ATP6V1C2: variants seen among roughly 807,000 people sequenced by gnomAD.
ATP6V1C2 encodes the protein V-type proton ATPase subunit C 2.
ATP6V1C2 carries 45 observed loss-of-function variants against 56.8 expected under a neutral mutation model. The observed-to-expected ratio is 0.79, with a 90% CI of 0.62 to 1.02. ATP6V1C2 has a LOEUF of 1.02. Among genes scored for constraint, ATP6V1C2 ranks in the 50% least tolerant of loss-of-function variants. The probability of loss-of-function intolerance (pLI) is 0.00; values close to 1 mark genes in which losing one functional copy is unlikely to be tolerated. For missense variants in ATP6V1C2, 463 were observed against 519.7 expected, an observed-to-expected ratio of 0.89 and a Z score of 1.06; for synonymous variants, 220 against 201.3, an observed-to-expected ratio of 1.09 and a Z score of -0.79.
At chr2:10,782,538 A>G (rs1183899664) in intron 13 of ATP6V1C2, among the ~76,000 whole-genome samples, 163 bp downstream of exon 13, 1 of 147,186 alleles carries the variant, frequency 6.8e-6, no homozygotes, top group Admixed American at 6.8e-5. Flanking sequence ...TGTCTCTACT[A>G]AAAAAAAAAT....
chr2:10,766,790 G>A (rs866503828), intron 5 of ATP6V1C2, among the ~76,000 whole-genome samples: 14 of 151,884 alleles, frequency 9.2e-5, no homozygotes, highest in East Asian at 3.9e-4. Context: ...GCATAATGCC[G>A]TATACTATAC....
intron 3 of ATP6V1C2, among the ~76,000 whole-genome samples, chr2:10,745,210 G>A (rs1053093326): frequency 6.7e-6 from 1 of 148,572 alleles, no homozygotes; most frequent in African/African-American, 2.5e-5. Context: ...TAATTTTTTT[G>A]TATTTTTAGG....
Position 10,780,504 on chromosome 2 carries a change from G to T in ATP6V1C2, c.1062-1739G>T, listed in dbSNP as rs141017796. On this transcript the variant is annotated intron_variant, in intron 12 of 13. Coordinates refer to ENST00000272238, the MANE Select transcript of ATP6V1C2 (RefSeq NM_001039362.2). The surrounding 1 kb of genome is among the most constrained non-coding windows in gnomAD (Gnocchi z 4.1). ...CCCACACCTGTACCCATGCGCACCT[G>T]TGCACGCCCATCTCAAAAGCCTGTA... 6.6e-6 allele frequency among the ~76,000 whole-genome samples: 1 copy of T among 152,136 alleles called. No homozygotes were observed. Among genetic ancestry groups the T allele is most frequent in the African/African-American group, 2.4e-5 (1 of 41,436 alleles).
At chr2:10,782,515 C>A in intron 13 of ATP6V1C2, 140 bp downstream of exon 13, 1 of 953,398 alleles carries the variant, frequency 1.0e-6, no homozygotes, top group Non-Finnish European at 1.5e-6. Context: ...GCCTAGCCAA[C>A]ATGGTAAGAC....
At chr2:10,736,742 G>A (rs141413787) in intron 3 of ATP6V1C2, among the ~76,000 whole-genome samples, 1,552 of 143,982 alleles carry the variant, frequency 0.011, 30 homozygotes, top group African/African-American at 0.038. Context: ...TTCTCTGAGT[G>A]TTATATAATT....
At chr2:10,777,115 G>C (rs1665041286) in intron 10 of ATP6V1C2, among the ~76,000 whole-genome samples, 1 of 152,256 alleles carries the variant, frequency 6.6e-6, no homozygotes, top group Non-Finnish European at 1.5e-5. Flanking sequence ...GAATGGGAAA[G>C]GGTGAGTGTC....
intron 8 of ATP6V1C2, among the ~76,000 whole-genome samples, chr2:10,773,184 AG>A (rs1664742245): frequency 6.6e-6 from 1 of 152,182 alleles, no homozygotes; most frequent in Non-Finnish European, 1.5e-5. Flanking sequence ...GCAGAGGAGC[AG>A]AGGGTCTGAA....
rs1199186200 is a variant in ATP6V1C2, at chr2:10,757,591, G to T, written c.283+3525G>T. ...TTCTCAAGTAACAACCTTGTAACTT[G>T]GTCACAATATCCATATGACACAGAT... is the stretch of plus-strand genomic sequence containing the variant. On this transcript the variant is annotated intron_variant, in intron 4 of 13. Coordinates refer to ENST00000272238, the MANE Select transcript of ATP6V1C2 (RefSeq NM_001039362.2). 47 of 396,490 alleles carry T rather than the reference G, an allele frequency of 1.2e-4. No homozygotes were observed. In the East Asian group the frequency reaches 1.7e-3, roughly 14 times the overall value. 24.6% of individuals were successfully genotyped at this position (396,490 alleles called of 1,614,324 possible).
intron 3 of ATP6V1C2, among the ~76,000 whole-genome samples, chr2:10,738,870 T>A (rs1662396684): frequency 6.6e-6 from 1 of 152,164 alleles, no homozygotes; most frequent in Non-Finnish European, 1.5e-5. Flanking sequence ...GAGACGCCAG[T>A]AAGGACGGAG....
intron 11 of ATP6V1C2, among the ~76,000 whole-genome samples, chr2:10,778,168 G>A (rs980697009): frequency 4.6e-5 from 7 of 152,218 alleles, no homozygotes; most frequent in East Asian, 1.9e-4. Flanking sequence ...CTGTGGCCAC[G>A]TGAGGTGGGG....
intron 2 of ATP6V1C2, among the ~76,000 whole-genome samples, chr2:10,726,283 C>T (rs764352437): frequency 2.6e-5 from 4 of 152,216 alleles, no homozygotes; most frequent in African/African-American, 4.8e-5. Context: ...CTTCCTATGG[C>T]AGGCATATGA....
rs940316348 is a variant in ATP6V1C2, at chr2:10,781,863, A to T, written c.1062-380A>T. On this transcript the variant is annotated intron_variant, in intron 12 of 13. Transcript: ENST00000272238. ...CTCAGCGAAAATAGTAACAATCTTG[A>T]TAAACCAGATTTTTGCCTCTCCTTT... 2.0e-5 allele frequency among the ~76,000 whole-genome samples: 3 copies of T among 152,242 alleles called. No individual in the cohort carries two copies. In the South Asian group the frequency reaches 6.2e-4, roughly 32 times the overall value.
chr2:10,741,909 TCC>T (rs1361355843), intron 3 of ATP6V1C2, among the ~76,000 whole-genome samples: 5 of 150,698 alleles, frequency 3.3e-5, no homozygotes, highest in African/African-American at 9.8e-5. Flanking sequence ...CTTCCTTCCT[TCC>T]TTCCTTCCTT....
intron 4 of ATP6V1C2, among the ~76,000 whole-genome samples, chr2:10,756,505 G>A (rs553915583): frequency 1.7e-4 from 26 of 152,222 alleles, no homozygotes; most frequent in South Asian, 8.3e-4. Flanking sequence ...GGATCACGAA[G>A]TCAGGAGTTC....
chr2:10,778,379 T>C (rs1014341757), intron 11 of ATP6V1C2, 193 bp from the exon 12 acceptor site: 11 of 591,196 alleles, frequency 1.9e-5, no homozygotes, highest in African/African-American at 5.6e-5. Flanking sequence ...CCCGCTGAGC[T>C]TCCCCGGCAC....
chr2:10,749,984 A>G (rs1663121076), intron 3 of ATP6V1C2, among the ~76,000 whole-genome samples: 1 of 152,230 alleles, frequency 6.6e-6, no homozygotes, highest in Admixed American at 6.5e-5. Flanking sequence ...TGTGGAGTGA[A>G]AAAAGTACAT....
At position 10,722,775 on chromosome 2, in the gene ATP6V1C2, A is replaced by G. The variant is rs766448798; in HGVS notation, c.-26-49A>G. 108 of 1,574,256 alleles carry G rather than the reference A, an allele frequency of 6.9e-5. 1 individual carries two copies. The highest frequency in any genetic ancestry group is 8.9e-5 in the Non-Finnish European group (103 of 1,156,130). On this transcript the variant is annotated intron_variant, in intron 1 of 13. Coordinates refer to ENST00000272238, the MANE Select transcript of ATP6V1C2 (RefSeq NM_001039362.2). ...GTGGTGAGGCGGGGATATCTGACACATCTCTCCTTCTGTTTCTGTTTGTGT... is the reference window on the plus strand; with the variant it reads ...GTGGTGAGGCGGGGATATCTGACACGTCTCTCCTTCTGTTTCTGTTTGTGT...
At chr2:10,728,992 C>A (rs1051338164) in intron 3 of ATP6V1C2, among the ~76,000 whole-genome samples, 1 of 146,822 alleles carries the variant, frequency 6.8e-6, no homozygotes, top group East Asian at 2.1e-4. Flanking sequence ...TAGTTGGGTG[C>A]GGTGGCTGGC....
chr2:10,781,060 G>A (rs1476016071), intron 12 of ATP6V1C2, among the ~76,000 whole-genome samples: 1 of 152,148 alleles, frequency 6.6e-6, no homozygotes, highest in South Asian at 2.1e-4. Context: ...GTCTTGTTCT[G>A]GGCAGAATGG....
Sources: gnomAD v4.1 joint callset for allele counts (sites outside exome capture counted in the v4.1 genomes callset) on GRCh38, gnomAD v4.1.1 for gene constraint, Gnocchi (gnomAD v3.1) non-coding constraint, MANE v1.5 for transcripts, NCBI Gene and HGNC (gene_info 2026-07-23, HGNC 2026-07-21) for gene names.